Variants in REEP5 observed in about 807,000 individuals in gnomAD.
REEP5 encodes receptor expression-enhancing protein 5.
In REEP5, 24 loss-of-function variants were observed where a neutral mutation model predicts 22.4. The observed-to-expected ratio is 1.07, with a 90% CI of 0.78 to 1.51. The LOEUF (loss-of-function observed/expected upper bound fraction) is 1.51. Ranked by LOEUF, REEP5 falls within the 40% of genes most tolerant of loss-of-function variation. REEP5 has a pLI of 0.00. For missense variants in REEP5, 252 were observed against 233.0 expected, an observed-to-expected ratio of 1.08 and a Z score of -0.53; for synonymous variants, 103 against 88.6, an observed-to-expected ratio of 1.16 and a Z score of -0.92.
At chr5:112,917,335 CCTTT>C (rs1769253762) in intron 2 of REEP5, among the ~76,000 whole-genome samples, 1 of 152,218 alleles carries the variant, frequency 6.6e-6, no homozygotes, top group South Asian at 2.1e-4. Context: ...ACACACTCCA[CCTTT>C]CTCTGTCCCT....
chr5:112,898,596 G>A (rs1020535695), intron 3 of REEP5, among the ~76,000 whole-genome samples: 1 of 152,144 alleles, frequency 6.6e-6, no homozygotes, highest in Non-Finnish European at 1.5e-5. Flanking sequence ...GGAAGTCTGA[G>A]GTCAGAACTA....
At chr5:112,883,845 T>A (rs529402474) in intron 4 of REEP5, among the ~76,000 whole-genome samples, 1 of 151,948 alleles carries the variant, frequency 6.6e-6, no homozygotes, top group African/African-American at 2.4e-5. Flanking sequence ...TCAGTGGCAA[T>A]TTTATCCTTC....
chr5:112,919,969 T>G (rs1250205414), intron 2 of REEP5, among the ~76,000 whole-genome samples: 2 of 152,198 alleles, frequency 1.3e-5, no homozygotes, highest in Non-Finnish European at 2.9e-5. Flanking sequence ...TGAACAGACT[T>G]GATTAGACTA....
chr5:112,893,356 G>C, intron 3 of REEP5: 1 of 221,058 alleles, frequency 4.5e-6, no homozygotes, highest in South Asian at 6.3e-5. Flanking sequence ...GTTGCAGTGA[G>C]TCGACATCAT....
intron 2 of REEP5, among the ~76,000 whole-genome samples, chr5:112,919,582 A>C (rs1400440426): frequency 6.6e-6 from 1 of 152,118 alleles, no homozygotes; most frequent in Non-Finnish European, 1.5e-5. Flanking sequence ...GAAAAGAAAC[A>C]GGCATGAGAG....
chr5:112,880,554 T>C (rs951864939), intron 4 of REEP5, among the ~76,000 whole-genome samples: 1 of 152,226 alleles, frequency 6.6e-6, no homozygotes, highest in Admixed American at 6.5e-5. Flanking sequence ...GGAGAAAATG[T>C]AGTCCTTCCC....
At chr5:112,912,515 T>C (rs766100577) in intron 2 of REEP5, among the ~76,000 whole-genome samples, 10 of 152,224 alleles carry the variant, frequency 6.6e-5, no homozygotes, top group Non-Finnish European at 1.3e-4. Flanking sequence ...AGATGTCCTA[T>C]TGGTAAAGAA....
intron 2 of REEP5, among the ~76,000 whole-genome samples, chr5:112,906,574 C>T (rs974170879): frequency 6.6e-6 from 1 of 152,152 alleles, no homozygotes; most frequent in Admixed American, 6.5e-5. Flanking sequence ...GTCCATTCTA[C>T]CCTCCACTCT....
chr5:112,887,725 C>A lies in REEP5; in HGVS notation c.352-542G>T, dbSNP rs182350455. 5.2e-3 allele frequency among the ~76,000 whole-genome samples: 797 copies of A among 152,250 alleles called. 17 individuals carry two copies. The highest frequency in any genetic ancestry group is 5.8e-3 in the Non-Finnish European group (396 of 68,002). The stretch of plus-strand genomic sequence containing the variant: ...TCAAGGAATCTTTACAGTTGTTCTT[C>A]ATCTTTCATCTTGAATGTAGTTATT... On this transcript the variant is annotated intron_variant, in intron 3 of 4. Transcript: ENST00000379638.
chr5:112,899,207 C>T (rs1485929321), intron 3 of REEP5, among the ~76,000 whole-genome samples: 2 of 151,558 alleles, frequency 1.3e-5, no homozygotes, highest in African/African-American at 2.4e-5. Flanking sequence ...GCCTCCTGAG[C>T]AGATGGGACC....
chr5:112,904,047 G>T (rs960439714), intron 2 of REEP5, among the ~76,000 whole-genome samples: 1 of 152,162 alleles, frequency 6.6e-6, no homozygotes. Flanking sequence ...GCCCAGGCTG[G>T]TCTCGAACTC....
intron 1 of REEP5, chr5:112,921,540 C>T (rs767943932): frequency 8.0e-6 from 4 of 502,076 alleles, no homozygotes; most frequent in Admixed American, 6.6e-5. Flanking sequence ...CGGTCCCAGG[C>T]ACCCGCTTCC....
rs575700626 is a variant in REEP5, at chr5:112,893,208, G to A, written c.352-6025C>T. The A allele has an allele frequency of 1.1e-3, 464 of 412,058 alleles. 2 individuals carry two copies. Among genetic ancestry groups the A allele is most frequent in the Non-Finnish European group, 1.7e-3 (390 of 230,756 alleles). The allele number at this position is 412,058 out of a possible 1,614,324, so 25.5% of individuals were successfully genotyped here. A position where few individuals can be genotyped will look rare whatever the true frequency, so the allele number is the denominator to read the frequency against. ...GTGGATCACTTGAGGTCAGGAGTTT[G>A]AGGCCAGCCTGGCCAACATGGCAAA... is the stretch of plus-strand genomic sequence containing the variant. On this transcript the variant is annotated intron_variant, in intron 3 of 4. Transcript: ENST00000379638.
intron 2 of REEP5, among the ~76,000 whole-genome samples, chr5:112,915,905 GA>G (rs1274313349): frequency 7.6e-6 from 1 of 131,544 alleles, no homozygotes; most frequent in Non-Finnish European, 1.6e-5. Context: ...AAACCCACAA[GA>G]AAACAAATAC....
At chr5:112,907,881 T>G (rs1768989178) in intron 2 of REEP5, among the ~76,000 whole-genome samples, 1 of 152,094 alleles carries the variant, frequency 6.6e-6, no homozygotes, top group Non-Finnish European at 1.5e-5. Flanking sequence ...GAATTCTAAT[T>G]TTTTGTTTAA....
At chr5:112,907,542 A>C (rs1421866787) in intron 2 of REEP5, among the ~76,000 whole-genome samples, 1 of 152,202 alleles carries the variant, frequency 6.6e-6, no homozygotes, top group Non-Finnish European at 1.5e-5. Flanking sequence ...TACAAGGCAG[A>C]GGATAGTTGG....
intron 2 of REEP5, among the ~76,000 whole-genome samples, chr5:112,907,522 G>A (rs2150045841): frequency 6.6e-6 from 1 of 152,344 alleles, no homozygotes; most frequent in Admixed American, 6.5e-5. Context: ...GTGAGCAGCA[G>A]AGGCACGACT....
At position 112,902,521 on chromosome 5, in the gene REEP5, G is replaced by C; in HGVS notation, c.213-3C>G. 2.5e-6 allele frequency: 4 copies of C among 1,577,566 alleles called. No individual in the cohort carries two copies. The highest frequency in any genetic ancestry group is 3.4e-6 in the Non-Finnish European group (4 of 1,167,526). ...TGGGACTCTCTATAGCTTTAATTCT[G>C]AAAGGCAGTACAAAAGAAAGTATAT... On this transcript the variant is annotated splice_region_variant and splice_polypyrimidine_tract_variant and intron_variant, in intron 2 of 4. Coordinates refer to ENST00000379638, the MANE Select transcript of REEP5 (RefSeq NM_005669.5).
chr5:112,921,983 C>G, intron 1 of REEP5, 90 bp downstream of exon 1: 1 of 1,458,248 alleles, frequency 6.9e-7, no homozygotes, highest in Non-Finnish European at 9.1e-7. Context: ...CTCCACCTTT[C>G]CCGAGTCCTC....
Sources: allele counts gnomAD v4.1 joint callset (sites outside exome capture counted in the v4.1 genomes callset), GRCh38; gene constraint gnomAD v4.1.1; transcripts MANE v1.5; gene names NCBI Gene and HGNC (gene_info 2026-07-23, HGNC 2026-07-21).